Variants in TRPM8 observed in about 807,000 individuals in gnomAD.
The protein encoded by TRPM8 is TRPM8 cationic channel.
A neutral mutation model predicts 133.7 loss-of-function variants in TRPM8; 110 were observed. The ratio of observed to expected loss-of-function variants is 0.82; its 90% CI spans 0.70 to 0.96. The LOEUF is 0.96. TRPM8 is among the 40% of genes least tolerant of loss of function. The pLI, the probability that TRPM8 is intolerant of heterozygous loss-of-function variation, is 0.00. For missense variants in TRPM8, 1,291 were observed against 1,379.5 expected, an observed-to-expected ratio of 0.94 and a Z score of 1.02; for synonymous variants, 535 against 532.3, an observed-to-expected ratio of 1.01 and a Z score of -0.07.
intron 21 of TRPM8, among the ~76,000 whole-genome samples, chr2:233,992,211 T>C (rs566973553): frequency 7.1e-4 from 108 of 152,076 alleles, no homozygotes; most frequent in Non-Finnish European, 1.2e-3. Flanking sequence ...CTAAATTACT[T>C]TTCTTTTTTT....
intron 3 of TRPM8, chr2:233,933,660 C>G (rs1163859545): frequency 6.6e-6 from 1 of 152,288 alleles, no homozygotes; most frequent in Non-Finnish European, 1.5e-5. Context: ...ACCTGTGACA[C>G]ACCCCTACCC....
rs762448731 is a variant in TRPM8, at chr2:234,012,474, A to AGTGTGTGT, written c.3265-2087_3265-2086insTGTGTGTG. Reference sequence around the variant, plus strand: ...CTAACAGTTTTTTTTTGTGTGTGTGAGAGTGTGTGTGTGTGTGTGTGTGAG... The same window carrying AGTGTGTGT: ...CTAACAGTTTTTTTTTGTGTGTGTGAGTGTGTGTGAGTGTGTGTGTGTGTGTGTGTGAG... On this transcript the variant is annotated intron_variant, in intron 24 of 25. Coordinates refer to ENST00000324695, the MANE Select transcript of TRPM8 (RefSeq NM_024080.5). Among the ~76,000 whole-genome samples the AGTGTGTGT allele has an allele frequency of 4.6e-4, 49 of 105,950 alleles. 1 individual carries two copies. Among genetic ancestry groups the AGTGTGTGT allele is most frequent in the Admixed American group, 1.1e-3 (11 of 9,634 alleles). 69.5% of individuals were successfully genotyped at this position (105,950 alleles called of 152,430 possible).
Position 233,964,622 on chromosome 2 carries a change from A to C in TRPM8, c.1750-6A>C. 6.5e-7 allele frequency: 1 copy of C among 1,546,680 alleles called. No individual in the cohort carries two copies. The highest frequency in any genetic ancestry group is 8.7e-7 in the Non-Finnish European group (1 of 1,146,956). ...TAACCTTAAAATTCTTCACCCCCCTAAAAAGACCAGGGGCTGCACTCTGGC... is the reference window on the plus strand; with the variant it reads ...TAACCTTAAAATTCTTCACCCCCCTCAAAAGACCAGGGGCTGCACTCTGGC... On this transcript the variant is annotated splice_region_variant and splice_polypyrimidine_tract_variant and intron_variant, in intron 13 of 25. Coordinates refer to ENST00000324695, the MANE Select transcript of TRPM8 (RefSeq NM_024080.5).
At chr2:233,983,668 C>T (rs1344380720) in intron 20 of TRPM8, among the ~76,000 whole-genome samples, 1 of 152,174 alleles carries the variant, frequency 6.6e-6, no homozygotes, top group Non-Finnish European at 1.5e-5. Flanking sequence ...TTTTTGGAGG[C>T]AGGCTGATGG....
At chr2:233,929,045 C>T (rs1015059420) in intron 2 of TRPM8, among the ~76,000 whole-genome samples, 1 of 149,204 alleles carries the variant, frequency 6.7e-6, no homozygotes, top group Admixed American at 6.7e-5. Flanking sequence ...GATTCATCCA[C>T]GGTGAGACGT....
intron 10 of TRPM8, among the ~76,000 whole-genome samples, chr2:233,954,853 A>G (rs1691253441): frequency 6.6e-6 from 1 of 152,212 alleles, no homozygotes. Flanking sequence ...ATCTGAATCT[A>G]TGGAAAAAAC....
In TRPM8 at chr2:233,927,904, T is replaced by C. The variant is rs1490662131; in HGVS notation, c.117+1250T>C. On this transcript the variant is annotated intron_variant, in intron 2 of 25. Transcript: ENST00000324695. ...TTTCTTTCTTTCTTTCTTTCTTTCT[T>C]TCTTTCTCTCTCTCTCTCTTTCTCT... is the stretch of plus-strand genomic sequence containing the variant. Among the ~76,000 whole-genome samples, 19 of 60,170 alleles carry C rather than the reference T, an allele frequency of 3.2e-4. No individual in the cohort carries two copies. The East Asian group carries it at 3.7e-3, about 12-fold the overall frequency. The allele number at this position is 60,170 out of a possible 152,430, so 39.5% of individuals were successfully genotyped here.
intron 9 of TRPM8, among the ~76,000 whole-genome samples, chr2:233,951,060 A>G (rs1298166502): frequency 6.6e-6 from 1 of 151,910 alleles, no homozygotes; most frequent in Non-Finnish European, 1.5e-5. Context: ...AAACAAACAA[A>G]CAAACAAACA....
At chr2:233,924,222 C>T (rs574765396) in intron 1 of TRPM8, among the ~76,000 whole-genome samples, 1 of 152,164 alleles carries the variant, frequency 6.6e-6, no homozygotes, top group Non-Finnish European at 1.5e-5. Flanking sequence ...GACATCCCAG[C>T]CCTTTGCCCA....
At chr2:233,918,981 G>T (rs985574475) in intron 1 of TRPM8, among the ~76,000 whole-genome samples, 3 of 151,988 alleles carry the variant, frequency 2.0e-5, no homozygotes, top group Non-Finnish European at 4.4e-5. Context: ...CTTAGAGTAT[G>T]AACAAGTTTT....
In TRPM8 at chr2:233,927,908, T is replaced by TTCTTTCTC. The variant is rs1559516638; in HGVS notation, c.117+1257_117+1258insTTCTCTCT. The stretch of plus-strand genomic sequence containing the variant: ...TTTCTTTCTTTCTTTCTTTCTTTCT[T>TTCTTTCTC]TCTCTCTCTCTCTCTTTCTCTCTCT... On this transcript the variant is annotated intron_variant, in intron 2 of 25. Coordinates refer to ENST00000324695, the MANE Select transcript of TRPM8 (RefSeq NM_024080.5). 4.3e-3 allele frequency among the ~76,000 whole-genome samples: 168 copies of TTCTTTCTC among 38,830 alleles called. 8 individuals are homozygous for TTCTTTCTC. Among genetic ancestry groups the TTCTTTCTC allele is most frequent in the South Asian group, 7.6e-3 (6 of 788 alleles). The allele number at this position is 38,830 out of a possible 152,430, so 25.5% of individuals were successfully genotyped here. A position where few individuals can be genotyped will look rare whatever the true frequency, so the allele number is the denominator to read the frequency against.
At chr2:233,947,470 A>G (rs1691072624) in intron 8 of TRPM8, 2 of 1,357,042 alleles carry the variant, frequency 1.5e-6, no homozygotes, top group South Asian at 1.2e-5. Flanking sequence ...TTAGAAAGCT[A>G]TGGCCAACCT....
chr2:233,990,676 G>T (rs1692253727), intron 21 of TRPM8, among the ~76,000 whole-genome samples: 2 of 152,162 alleles, frequency 1.3e-5, no homozygotes, highest in Non-Finnish European at 2.9e-5. Flanking sequence ...TTCTGCTCCT[G>T]CCTTTTTGCT....
At position 233,934,437 on chromosome 2, in the gene TRPM8, C is replaced by G. The variant is rs146251761; in HGVS notation, c.192-2916C>G. On this transcript the variant is annotated intron_variant, in intron 3 of 25. Coordinates refer to ENST00000324695, the MANE Select transcript of TRPM8 (RefSeq NM_024080.5). ...ATTAACTTCCCATCCTTGAGCCTGT[C>G]AATTATGAACATTTCCACAATTCAG... Among the ~76,000 whole-genome samples, 8 of 152,314 alleles carry G rather than the reference C, an allele frequency of 5.3e-5. No individual in the cohort carries two copies. In the East Asian group the frequency reaches 1.5e-3, roughly 29 times the overall value.
rs1206139712 is a variant in TRPM8, at chr2:234,014,079, TCTTA to T, written c.3265-478_3265-475del. Reference sequence around the variant, plus strand: ...GGATCAAGATTAATTTCATTATGCCTCTTACTTAAATTGTCTGCTGTTTTTGTGT... The same window carrying T: ...GGATCAAGATTAATTTCATTATGCCTCTTAAATTGTCTGCTGTTTTTGTGT... On this transcript the variant is annotated intron_variant, in intron 24 of 25. Transcript: ENST00000324695. Among the ~76,000 whole-genome samples, 5 of 152,308 alleles carry T rather than the reference TCTTA, an allele frequency of 3.3e-5. 1 individual carries two copies. Among genetic ancestry groups the T allele is most frequent in the Admixed American group, 2.6e-4 (4 of 15,310 alleles).
intron 21 of TRPM8, among the ~76,000 whole-genome samples, chr2:233,988,075 G>T (rs1692191536): frequency 6.6e-6 from 1 of 151,836 alleles, no homozygotes. Flanking sequence ...ATTCTGGAAG[G>T]ATTTCAATAT....
chr2:233,967,648 C>G (rs529956287), intron 15 of TRPM8, among the ~76,000 whole-genome samples: 2 of 152,162 alleles, frequency 1.3e-5, no homozygotes, highest in African/African-American at 4.8e-5. Context: ...CAGATGTTTA[C>G]GAACAAAACC....
In TRPM8 at chr2:233,970,323, T is replaced by C; in HGVS notation, c.2252T>C (p.Leu751Pro). The C allele has an allele frequency of 1.2e-6, 2 of 1,614,210 alleles. No individual in the cohort carries two copies. The highest frequency in any genetic ancestry group is 1.7e-6 in the Non-Finnish European group (2 of 1,180,036). ...GTCTTCTACATCGCCTTCCTCCTGC[T>C]GTTTGCCTACGTGCTGCTCATGGAT... is the stretch of plus-strand genomic sequence containing the variant. ...NVVFYIAFLL[L>P]FAYVLLMDFH... The change falls in exon 17 of 26, where the codon CTG becomes CCG. Residue 751 changes from leucine to proline, a missense_variant. Coordinates refer to ENST00000324695, the MANE Select transcript of TRPM8 (RefSeq NM_024080.5).
intron 1 of TRPM8, among the ~76,000 whole-genome samples, chr2:233,925,876 G>A (rs566315351): frequency 1.3e-5 from 2 of 152,102 alleles, no homozygotes; most frequent in East Asian, 3.9e-4. Context: ...ATGGGATGGG[G>A]GCATATTAGA....
Sources: allele counts gnomAD v4.1 joint callset (sites outside exome capture counted in the v4.1 genomes callset), GRCh38; gene constraint gnomAD v4.1.1; transcripts MANE v1.5; gene names NCBI Gene and HGNC (gene_info 2026-07-23, HGNC 2026-07-21).